The following WDHD1 variants were observed in gnomAD, a reference collection of about 807,000 sequenced individuals.
WDHD1 encodes the protein WD repeat and HMG-box DNA binding protein 1, also known as WD repeat and HMG-box DNA-binding protein 1.
WDHD1 carries 111 observed loss-of-function variants against 135.4 expected under a neutral mutation model. The ratio of observed to expected loss-of-function variants is 0.82; its 90% CI spans 0.70 to 0.96. The LOEUF is 0.96. Among genes scored for constraint, WDHD1 ranks in the 40% least tolerant of loss-of-function variants. The pLI is 0.00. For missense variants in WDHD1, 1,351 were observed against 1,336.3 expected (o/e 1.01, Z -0.17); for synonymous variants, 434 against 439.0 (o/e 0.99, Z 0.14).
At chr14:54,961,752 C>T (rs966443510) in intron 21 of WDHD1, among the ~76,000 whole-genome samples, 1 of 152,062 alleles carries the variant, frequency 6.6e-6, no homozygotes, top group Non-Finnish European at 1.5e-5. Context: ...AAGGTTTATG[C>T]TCCCCACCAA....
chr14:55,008,248 T>A lies in WDHD1; in HGVS notation c.504+68A>T, dbSNP rs550817519. 7.3e-4 allele frequency: 1,068 copies of A among 1,457,140 alleles called. 3 individuals carry two copies. Among genetic ancestry groups the A allele is most frequent in the Non-Finnish European group, 9.1e-4 (962 of 1,054,444 alleles). The allele number at this position is 1,457,140 out of a possible 1,614,324, so 90.3% of individuals were successfully genotyped here. On this transcript the variant is annotated intron_variant, in intron 6 of 25. Transcript: ENST00000360586. ...AAAAGCAATTATTAATTTGGCCCAGTAATACGACATATAACAATTTATTAC... is the reference window on the plus strand; with the variant it reads ...AAAAGCAATTATTAATTTGGCCCAGAAATACGACATATAACAATTTATTAC...
At chr14:54,970,012 A>G (rs1395458139) in intron 16 of WDHD1, among the ~76,000 whole-genome samples, 1 of 152,232 alleles carries the variant, frequency 6.6e-6, no homozygotes, top group African/African-American at 2.4e-5. Flanking sequence ...TTTCATAATA[A>G]AGACCTCCAA....
chr14:54,951,102 G>C (rs1229445160), intron 24 of WDHD1, among the ~76,000 whole-genome samples: 1 of 152,042 alleles, frequency 6.6e-6, no homozygotes, highest in African/African-American at 2.4e-5. Flanking sequence ...AGAAGCAAGA[G>C]CAAACATATT....
At position 54,957,608 on chromosome 14, in the gene WDHD1, C is replaced by T. The variant is rs756551964; in HGVS notation, c.2729G>A (p.Arg910Gln). The change falls in exon 22 of 26, where the codon CGA becomes CAA. Residue 910 changes from arginine to glutamine, a missense_variant. Physicochemically the swap from Arg to Gln is conservative, Grantham distance 43. This residue lies in a region of WDHD1 where 1,330 missense variants were observed against 1,296.1 expected (regional missense o/e 1.03). Coordinates refer to ENST00000360586, the MANE Select transcript of WDHD1 (RefSeq NM_007086.4). ...SGAVTFSSQGRVNPFKVSASS... is the reference protein window; with the variant it reads ...SGAVTFSSQGQVNPFKVSASS... Reference sequence around the variant, plus strand: ...AGAGTTTACCTTAAAGGGATTTACTCGTCCTTGGCTGCTAAAGGTAACTGC... The same window carrying T: ...AGAGTTTACCTTAAAGGGATTTACTTGTCCTTGGCTGCTAAAGGTAACTGC... 5.6e-6 allele frequency: 9 copies of T among 1,606,296 alleles called. No individual in the cohort carries two copies. The East Asian group carries it at 8.9e-5, about 16-fold the overall frequency.
At chr14:54,977,341 C>G (rs1373529243) in intron 16 of WDHD1, among the ~76,000 whole-genome samples, 1 of 152,096 alleles carries the variant, frequency 6.6e-6, no homozygotes, top group Non-Finnish European at 1.5e-5. Flanking sequence ...TTCCACTTTA[C>G]ATACTAAAAT....
chr14:55,003,497 A>G (rs1315589747), intron 7 of WDHD1, among the ~76,000 whole-genome samples: 1 of 151,848 alleles, frequency 6.6e-6, no homozygotes, highest in East Asian at 1.9e-4. Context: ...CCTGGGCAAC[A>G]GAGTGAGACC....
At position 54,984,312 on chromosome 14, in the gene WDHD1, T is replaced by G. The variant is rs184513993; in HGVS notation, c.1906+411A>C. Among the ~76,000 whole-genome samples the G allele has an allele frequency of 2.8e-3, 427 of 152,242 alleles. 2 individuals are homozygous for G. Among genetic ancestry groups the G allele is most frequent in the African/African-American group, 9.5e-3 (393 of 41,540 alleles). On this transcript the variant is annotated intron_variant, in intron 15 of 25. Coordinates refer to ENST00000360586, the MANE Select transcript of WDHD1 (RefSeq NM_007086.4). ...GAGTTTGAGACCAGCCTGGGCAACA[T>G]GGCAAAACCCTGTCTCTACAAAAAA...
intron 2 of WDHD1, among the ~76,000 whole-genome samples, chr14:55,022,004 C>A (rs1480233762): frequency 2.0e-5 from 3 of 152,110 alleles, no homozygotes; most frequent in Non-Finnish European, 4.4e-5. Context: ...ATGTAATGAG[C>A]CCGTAAAGGC....
At chr14:54,962,164 T>C (rs2041262773) in intron 21 of WDHD1, among the ~76,000 whole-genome samples, 1 of 152,194 alleles carries the variant, frequency 6.6e-6, no homozygotes, top group Admixed American at 6.5e-5. Flanking sequence ...TTCTCCAGTA[T>C]CCTGCATGCT....
chr14:54,947,856 T>TCAC (rs2040955999), intron 24 of WDHD1, among the ~76,000 whole-genome samples: 2 of 151,774 alleles, frequency 1.3e-5, no homozygotes, highest in African/African-American at 4.8e-5. Flanking sequence ...CCTCCCAAAG[T>TCAC]GCTGGGATTA....
chr14:55,013,194 C>CAAAAAAAAAAAAAAAAAAAAAAAAAAAAA (rs71448422), intron 3 of WDHD1, among the ~76,000 whole-genome samples: 5 of 82,320 alleles, frequency 6.1e-5, no homozygotes, highest in African/African-American at 2.1e-4. Context: ...GATCCCGTTT[C>CAAAAAAAAAAAAAAAAAAAAAAAAAAAAA]AAAAAAAAAA....
Position 54,974,647 on chromosome 14 carries a change from G to A in WDHD1, c.2063+6893C>T, listed in dbSNP as rs543164322. ...TCGAGACCAGCCTGGGCAACCTGGC[G>A]AAACACTGTCTCTACTAAAAATACA... On this transcript the variant is annotated intron_variant, in intron 16 of 25. Coordinates refer to ENST00000360586, the MANE Select transcript of WDHD1 (RefSeq NM_007086.4). Among the ~76,000 whole-genome samples, 13 of 152,064 alleles carry A rather than the reference G, an allele frequency of 8.5e-5. No homozygotes were observed. The South Asian group carries it at 2.3e-3, about 27-fold the overall frequency.
At chr14:54,959,342 G>A (rs905993055) in intron 21 of WDHD1, among the ~76,000 whole-genome samples, 1 of 130,612 alleles carries the variant, frequency 7.7e-6, no homozygotes, top group African/African-American at 2.7e-5. Flanking sequence ...AGGCTGCAGT[G>A]AGCCATAATC....
At chr14:54,987,084 A>C (rs1424395926) in intron 14 of WDHD1, 62 bp downstream of exon 14, 9 of 1,584,850 alleles carry the variant, frequency 5.7e-6, no homozygotes, top group Non-Finnish European at 6.9e-6. Flanking sequence ...TAACAAAAAC[A>C]GCAAAAAAGC....
At chr14:55,003,842 G>A (rs868756714) in intron 7 of WDHD1, among the ~76,000 whole-genome samples, 2 of 152,148 alleles carry the variant, frequency 1.3e-5, no homozygotes, top group Admixed American at 6.5e-5. Flanking sequence ...GGGATTATAG[G>A]CGTGAGCCAC....
rs1357420570 is a variant in WDHD1 at position 54,972,576 on chromosome 14, AAAAAAAAAAAAAAAT to A, written c.2064-5197_2064-5183del. 3.5e-3 allele frequency among the ~76,000 whole-genome samples: 442 copies of A among 127,150 alleles called. 35 individuals carry two copies. The highest frequency in any genetic ancestry group is 0.014 in the African/African-American group (386 of 26,722). 83.4% of individuals were successfully genotyped at this position (127,150 alleles called of 152,430 possible). A position where few individuals can be genotyped will look rare whatever the true frequency, so the allele number is the denominator to read the frequency against. On this transcript the variant is annotated intron_variant, in intron 16 of 25. Transcript: ENST00000360586. ...CACAAAAAAAAAAAAAAAAAAAAAA[AAAAAAAAAAAAAAAT>A]GCCAATGAGGCATATTCACTTTCAT...
intron 7 of WDHD1, chr14:55,005,712 G>A (rs527850661): frequency 6.6e-6 from 3 of 456,266 alleles, no homozygotes; most frequent in African/African-American, 2.0e-5. Flanking sequence ...TTTAAGTTAC[G>A]ATGGGAATCC....
Position 54,957,097 on chromosome 14 carries a change from T to C in WDHD1, c.2853A>G (p.Arg951=), listed in dbSNP as rs1248964188. The change falls in exon 23 of 26, where the codon CGA becomes CGG. Residue 951 remains arginine (R), a synonymous_variant. Coordinates refer to ENST00000360586, the MANE Select transcript of WDHD1 (RefSeq NM_007086.4). ...TGGGAGACTTTTCATTATTTGTAGT[T>C]CGACTAAGTGCAGTGGATTTCTTGG... is the stretch of plus-strand genomic sequence containing the variant. ...KSSKKSTALS[R]TTNNEKSPII... 5 of 1,614,050 alleles carry C rather than the reference T, an allele frequency of 3.1e-6. No individual in the cohort carries two copies. The African/African-American group carries it at 5.3e-5, about 17-fold the overall frequency.
chr14:54,984,443 C>T (rs890065916), intron 15 of WDHD1, among the ~76,000 whole-genome samples: 9 of 151,962 alleles, frequency 5.9e-5, no homozygotes, highest in African/African-American at 1.2e-4. Flanking sequence ...TGCAGTGAGC[C>T]GAGATCATGC....
Sources: allele counts gnomAD v4.1 joint callset (sites outside exome capture counted in the v4.1 genomes callset), GRCh38; gene constraint gnomAD v4.1.1; regional missense constraint gnomAD v4.1.1; transcripts MANE v1.5; gene names NCBI Gene and HGNC (gene_info 2026-07-23, HGNC 2026-07-21).